Variants in BUB1 observed in about 807,000 individuals in gnomAD.
The protein encoded by BUB1 is BUB1 mitotic checkpoint serine/threonine kinase, also known as mitotic checkpoint serine/threonine-protein kinase BUB1.
Under a neutral mutation model 135.2 loss-of-function variants are expected in BUB1, and 84 were observed. That is an observed-to-expected ratio of 0.62 (90% confidence interval 0.52 to 0.74). BUB1 has a LOEUF of 0.74. Among genes scored for constraint, BUB1 ranks in the 30% least tolerant of loss-of-function variants. The pLI is 0.00. For synonymous variants in BUB1, 403 were observed against 434.4 expected, an observed-to-expected ratio of 0.93 and a Z score of 0.90; for missense variants, 1,162 against 1,288.3, an observed-to-expected ratio of 0.90 and a Z score of 1.50.
At chr2:110,670,589 C>T (rs969187384) in intron 4 of BUB1, 21 bp from the exon 5 acceptor site, 1 of 1,612,736 alleles carries the variant, frequency 6.2e-7, no homozygotes, top group African/African-American at 1.3e-5. Flanking sequence ...GCAGAAAAGG[C>T]ATCAATGTAG....
chr2:110,641,462 ATTCTAGGAACAATGG>A lies in BUB1; in HGVS notation c.2626-13_2627del. 1 of 1,603,180 alleles carries A rather than the reference ATTCTAGGAACAATGG, an allele frequency of 6.2e-7. No individual in the cohort carries two copies. The highest frequency in any genetic ancestry group is 8.5e-7 in the Non-Finnish European group (1 of 1,176,602). On this transcript the variant is annotated splice_acceptor_variant and splice_polypyrimidine_tract_variant and coding_sequence_variant and intron_variant, in exon 22 of 25. Coordinates refer to ENST00000302759, the MANE Select transcript of BUB1 (RefSeq NM_004336.5). LOFTEE classifies it high-confidence loss of function. ...GGGTATTTTTATAGAGGTTAATGGC[ATTCTAGGAACAATGG>A]AAAGTGGAATCCTGAGTTAGTTGCA...
At chr2:110,655,703 G>A in intron 16 of BUB1, 36 bp downstream of exon 16, 1 of 1,460,594 alleles carries the variant, frequency 6.8e-7, no homozygotes, top group Non-Finnish European at 9.3e-7. Context: ...AATCAAAGTT[G>A]GCAGAAGACA....
chr2:110,673,968 T>C, intron 3 of BUB1, 118 bp downstream of exon 3: 2 of 845,014 alleles, frequency 2.4e-6, no homozygotes, highest in Non-Finnish European at 3.6e-6. Flanking sequence ...TTTTCCTCTC[T>C]GTATCTTCAG....
chr2:110,654,915 G>A (rs1246657432), intron 16 of BUB1, among the ~76,000 whole-genome samples: 2 of 152,142 alleles, frequency 1.3e-5, no homozygotes, highest in Non-Finnish European at 2.9e-5. Context: ...TTAGTATACA[G>A]TCAGCCCTCT....
chr2:110,673,858 C>T (rs1690498257), intron 3 of BUB1, among the ~76,000 whole-genome samples: 1 of 152,162 alleles, frequency 6.6e-6, no homozygotes, highest in Non-Finnish European at 1.5e-5. Context: ...CTTGGCCTCC[C>T]AAAGTGCTGG....
chr2:110,671,866 C>T (rs1690432966), intron 4 of BUB1, among the ~76,000 whole-genome samples: 1 of 152,148 alleles, frequency 6.6e-6, no homozygotes, highest in Non-Finnish European at 1.5e-5. Flanking sequence ...TCACAATTCC[C>T]TAAGTGAGAT....
chr2:110,642,042 A>G lies in BUB1; in HGVS notation c.2463+77T>C, dbSNP rs570878972. ...ATAAATAAAAACACCACTATCTTAA[A>G]GAAAAAAAATTTCTTGGCAAACTCA... On this transcript the variant is annotated intron_variant, in intron 20 of 24. Transcript: ENST00000302759. 14 of 1,198,068 alleles carry G rather than the reference A, an allele frequency of 1.2e-5. No homozygotes were observed. In the East Asian group the frequency reaches 3.3e-4, roughly 29 times the overall value. The allele number at this position is 1,198,068 out of a possible 1,614,324, so 74.2% of individuals were successfully genotyped here. A position where few individuals can be genotyped will look rare whatever the true frequency, so the allele number is the denominator to read the frequency against.
At chr2:110,669,399 T>C (rs1368522537) in intron 6 of BUB1, 54 bp downstream of exon 6, 4 of 1,227,434 alleles carry the variant, frequency 3.3e-6, no homozygotes, top group Non-Finnish European at 4.8e-6. Context: ...GCAGCCAGGC[T>C]GGCCATTCAA....
chr2:110,639,343 C>T, intron 24 of BUB1, among the ~76,000 whole-genome samples: 1 of 150,262 alleles, frequency 6.7e-6, no homozygotes, highest in East Asian at 1.9e-4. Context: ...ACACTATTTC[C>T]TTCGCTTCTT....
chr2:110,653,335 T>C (rs1359182430), intron 17 of BUB1, 101 bp downstream of exon 17: 45 of 1,174,102 alleles, frequency 3.8e-5, no homozygotes, highest in Non-Finnish European at 4.7e-5. Context: ...TAAAATTAGG[T>C]ATTCTATTAC....
chr2:110,658,741 C>T lies in BUB1; in HGVS notation c.1278G>A (p.Gly426=). The T allele has an allele frequency of 6.2e-7, 1 of 1,613,976 alleles. No homozygotes were observed. Residue 426 remains glycine, a splice_region_variant and synonymous_variant, in exon 12 of 25, where the codon GGG becomes GGA. Coordinates refer to ENST00000302759, the MANE Select transcript of BUB1 (RefSeq NM_004336.5). ...TGTTGGCAACCTTATGTGTTTCACACCCTAGCAAAGAAATGGAGACAAAAT... is the reference window on the plus strand; with the variant it reads ...TGTTGGCAACCTTATGTGTTTCACATCCTAGCAAAGAAATGGAGACAAAAT... ...KPQSGAEIKE[G]CETHKVANTS... is the part of the protein sequence containing the mutation.
Position 110,666,385 on chromosome 2 carries a change from T to C in BUB1, c.835A>G (p.Lys279Glu). ...TGTTCTTCAAAAGCATTTGCTTCTT[T>C]CCTTTTCATATAATGTCTGTCTTCA... ...VNEDRHYMKRKEANAFEEQLL... is the reference protein window; with the variant it reads ...VNEDRHYMKREEANAFEEQLL... Residue 279 changes from lysine to glutamate, a missense_variant, in exon 9 of 25, where the codon AAA becomes GAA. Transcript: ENST00000302759. 1 of 1,502,156 alleles carries C rather than the reference T, an allele frequency of 6.7e-7. No homozygotes were observed. The highest frequency in any genetic ancestry group is 1.4e-5 in the South Asian group (1 of 70,410). 93.1% of individuals were successfully genotyped at this position (1,502,156 alleles called of 1,614,324 possible).
At chr2:110,660,701 G>A (rs2104541793) in intron 10 of BUB1, among the ~76,000 whole-genome samples, 1 of 152,330 alleles carries the variant, frequency 6.6e-6, no homozygotes, top group East Asian at 1.9e-4. Flanking sequence ...AGAGGTTAAA[G>A]AGTTGAGCCC....
chr2:110,652,077 C>G (rs765979200), intron 17 of BUB1, among the ~76,000 whole-genome samples: 12 of 152,044 alleles, frequency 7.9e-5, no homozygotes, highest in Non-Finnish European at 1.8e-4. Flanking sequence ...CACACACACA[C>G]ACACACACAC....
chr2:110,650,207 C>CGGG (rs796197770), intron 18 of BUB1, among the ~76,000 whole-genome samples: 60 of 22,780 alleles, frequency 2.6e-3, no homozygotes, highest in African/African-American at 5.3e-3. Context: ...AGGGGGTGGG[C>CGGG]GGGGGGGGGT....
intron 1 of BUB1, among the ~76,000 whole-genome samples, chr2:110,675,475 G>A (rs1173696778): frequency 2.6e-5 from 4 of 152,138 alleles, no homozygotes; most frequent in Non-Finnish European, 5.9e-5. Flanking sequence ...AGTGTGATGA[G>A]CAGGAAAAGG....
At chr2:110,673,548 T>C (rs946280400) in intron 3 of BUB1, among the ~76,000 whole-genome samples, 31 of 151,988 alleles carry the variant, frequency 2.0e-4, no homozygotes, top group African/African-American at 7.3e-4. Flanking sequence ...ACAGAGTTGA[T>C]TGACTGGTTG....
At chr2:110,639,530 G>A (rs1367631227) in intron 24 of BUB1, among the ~76,000 whole-genome samples, 1 of 152,158 alleles carries the variant, frequency 6.6e-6, no homozygotes, top group Admixed American at 6.5e-5. Flanking sequence ...CTTTCAGTGA[G>A]GACATCAGCT....
chr2:110,664,684 G>C (rs2104548081), intron 9 of BUB1, among the ~76,000 whole-genome samples: 1 of 151,324 alleles, frequency 6.6e-6, no homozygotes, highest in African/African-American at 2.4e-5. Context: ...CAGGAAAGGA[G>C]CCAGGGAGAA....
Sources: allele counts gnomAD v4.1 joint callset (sites outside exome capture counted in the v4.1 genomes callset), GRCh38; gene constraint gnomAD v4.1.1; transcripts MANE v1.5; gene names NCBI Gene and HGNC (gene_info 2026-07-23, HGNC 2026-07-21).